ATXN8OS: variants seen among roughly 807,000 people sequenced by gnomAD.
The protein encoded by ATXN8OS is ATXN8 opposite strand (non-protein coding).
At chr13:70,168,682 C>A (rs1889108160) in intron 4 of ATXN8OS, among the ~76,000 whole-genome samples, 3 of 151,468 alleles carry the variant, frequency 2.0e-5, no homozygotes, top group Admixed American at 1.3e-4. Flanking sequence ...ACATAACAAC[C>A]TTTAGTTCTA....
chr13:70,146,866 T>G (rs1341747134), intron 3 of ATXN8OS, among the ~76,000 whole-genome samples: 1 of 152,182 alleles, frequency 6.6e-6, no homozygotes. Flanking sequence ...TATACATATG[T>G]AACTAACGTG....
intron 3 of ATXN8OS, among the ~76,000 whole-genome samples, chr13:70,147,285 C>G (rs1888799117): frequency 6.6e-6 from 1 of 152,048 alleles, no homozygotes; most frequent in Non-Finnish European, 1.5e-5. Context: ...TAAAACCTGC[C>G]AAAGTTATAG....
At chr13:70,129,707 T>A (rs1421716311) in intron 2 of ATXN8OS, 1 of 397,766 alleles carries the variant, frequency 2.5e-6, no homozygotes, top group African/African-American at 2.1e-5. Context: ...CAACCATCTG[T>A]ACAGACTAGC....
At chr13:70,118,514 G>T (rs963287930) in intron 2 of ATXN8OS, among the ~76,000 whole-genome samples, 18 of 151,922 alleles carry the variant, frequency 1.2e-4, no homozygotes, top group Non-Finnish European at 1.0e-4. Flanking sequence ...CTGGTTTTGA[G>T]TAAGAATGCC....
chr13:70,115,654 T>A (rs1456561691), intron 2 of ATXN8OS, among the ~76,000 whole-genome samples: 1 of 152,156 alleles, frequency 6.6e-6, no homozygotes, highest in African/African-American at 2.4e-5. Flanking sequence ...TCTAACTGTC[T>A]ATCATGGCAT....
chr13:70,116,537 C>T (rs1300936496), intron 2 of ATXN8OS, among the ~76,000 whole-genome samples: 4 of 152,090 alleles, frequency 2.6e-5, no homozygotes, highest in East Asian at 1.9e-4. Flanking sequence ...AGAAACGAAA[C>T]GAGCTCTATT....
At chr13:70,156,683 T>C (rs1888941862) in intron 4 of ATXN8OS, among the ~76,000 whole-genome samples, 1 of 152,184 alleles carries the variant, frequency 6.6e-6, no homozygotes, top group Non-Finnish European at 1.5e-5. Context: ...AGCTTTGTTA[T>C]AATGTTTTCT....
chr13:70,166,262 G>A lies in ATXN8OS; in HGVS notation n.574-3491G>A, dbSNP rs974361108. On this transcript the variant is annotated intron_variant and non_coding_transcript_variant, in intron 4 of 4. Transcript: ENST00000678624. ...GAGGCATCACGCTACCTGACTTCAA[G>A]CTATACTACAAGGCTACAGTAACCA... 8.4e-4 allele frequency among the ~76,000 whole-genome samples: 128 copies of A among 151,908 alleles called. 1 individual carries two copies. The highest frequency in any genetic ancestry group is 1.5e-3 in the Non-Finnish European group (99 of 67,936).
chr13:70,134,196 T>A (rs1281594368), intron 3 of ATXN8OS, among the ~76,000 whole-genome samples: 1 of 152,176 alleles, frequency 6.6e-6, no homozygotes, highest in Non-Finnish European at 1.5e-5. Context: ...ATCCGTATTG[T>A]CAAACTAAGT....
At chr13:70,129,986 TCAATTCCAGCCTAG>T (rs143466927) in intron 3 of ATXN8OS, 20,610 of 396,372 alleles carry the variant, frequency 0.052, 748 homozygotes, top group Middle Eastern at 0.082. Flanking sequence ...TACATGTTAG[TCAATTCCAGCCTAG>T]CAATCAAGAG....
exon 5 of ATXN8OS, among the ~76,000 whole-genome samples, chr13:70,171,706 G>T (rs997073232): frequency 6.6e-6 from 1 of 151,846 alleles, no homozygotes; most frequent in African/African-American, 2.4e-5. Context: ...TTTTTCTTAT[G>T]TGTAAAACAG....
At chr13:70,159,603 A>T (rs1231422365) in intron 4 of ATXN8OS, among the ~76,000 whole-genome samples, 1 of 152,152 alleles carries the variant, frequency 6.6e-6, no homozygotes, top group Non-Finnish European at 1.5e-5. Flanking sequence ...GGACATTAGC[A>T]TATGTATACA....
rs572323953 is a variant in ATXN8OS, at chr13:70,111,577, GC to G, written n.241-3558del. 5.3e-3 allele frequency among the ~76,000 whole-genome samples: 808 copies of G among 152,052 alleles called. 7 individuals are homozygous for G. Among genetic ancestry groups the G allele is most frequent in the African/African-American group, 0.019 (768 of 41,476 alleles). ...CTCGAGACCCAATCACCTCCTAAAT[GC>G]CCCCCTCTCAATATTCCACAACAGA... On this transcript the variant is annotated intron_variant and non_coding_transcript_variant, in intron 1 of 4. Coordinates refer to ENST00000678624, the Ensembl canonical transcript of ATXN8OS.
intron 2 of ATXN8OS, among the ~76,000 whole-genome samples, chr13:70,119,849 T>C (rs1888332410): frequency 1.3e-5 from 2 of 152,086 alleles, no homozygotes; most frequent in African/African-American, 2.4e-5. Context: ...GAAACATGAA[T>C]GAATTTCATG....
intron 4 of ATXN8OS, among the ~76,000 whole-genome samples, chr13:70,156,961 A>G (rs560064829): frequency 6.6e-6 from 1 of 152,252 alleles, no homozygotes; most frequent in East Asian, 1.9e-4. Context: ...TTTTCTAGTT[A>G]CCCGTAAATG....
chr13:70,131,316 C>A, intron 3 of ATXN8OS: 1 of 398,400 alleles, frequency 2.5e-6, no homozygotes. Flanking sequence ...TACAGATGTC[C>A]CCTAAATTTT....
chr13:70,125,462 A>C (rs1459735014), intron 2 of ATXN8OS, among the ~76,000 whole-genome samples: 3 of 152,136 alleles, frequency 2.0e-5, no homozygotes, highest in African/African-American at 7.2e-5. Flanking sequence ...TAATTTCATA[A>C]CATCATCAAG....
intron 3 of ATXN8OS, among the ~76,000 whole-genome samples, chr13:70,141,852 A>G (rs1290216739): frequency 2.0e-5 from 3 of 152,022 alleles, no homozygotes; most frequent in Non-Finnish European, 2.9e-5. Context: ...ACACATATAT[A>G]CATACATATA....
chr13:70,170,153 G>A (rs933382577), exon 5 of ATXN8OS, among the ~76,000 whole-genome samples: 12 of 152,052 alleles, frequency 7.9e-5, no homozygotes, highest in Non-Finnish European at 1.8e-4. Context: ...TCACATGCTT[G>A]CCTAGATTAA....
Sources: gnomAD v4.1 joint callset for allele counts (sites outside exome capture counted in the v4.1 genomes callset) on GRCh38, gnomAD v4.1.1 for gene constraint, MANE v1.5 for transcripts, NCBI Gene and HGNC (gene_info 2026-07-23, HGNC 2026-07-21) for gene names.